The following GPR143 variants were observed in gnomAD, a reference collection of about 807,000 sequenced individuals.
GPR143 encodes the protein G protein-coupled receptor 143.
GPR143 carries 8 observed loss-of-function variants against 27.6 expected under a neutral mutation model. The observed-to-expected ratio is 0.29, with a 90% CI of 0.17 to 0.52. The LOEUF (loss-of-function observed/expected upper bound fraction) is 0.52, where lower values mean the gene tolerates loss of function less well. GPR143 is among the 20% of genes least tolerant of loss of function. The pLI, the probability that GPR143 is intolerant of heterozygous loss-of-function variation, is 0.96. For synonymous variants in GPR143, 156 were observed against 153.2 expected (o/e 1.02, Z -0.13); for missense variants, 303 against 343.1 (o/e 0.88, Z 0.92).
chrX:9,733,941 G>A (rs1333972880), intron 8 of GPR143, among the ~76,000 whole-genome samples: 1 of 109,906 alleles, frequency 9.1e-6, no homozygotes, highest in African/African-American at 3.3e-5. Context: ...TTAGCTGGGC[G>A]TAGTGGTGGG....
At position 9,741,439 on chromosome X, in the gene GPR143, T is replaced by C. The variant is rs748050915; in HGVS notation, c.784A>G (p.Ile262Val). ...AGATAGAATAAAAGGCTTTCATTGATGATATTCGACAACCAACTGTTAGAA... is the reference window on the plus strand; with the variant it reads ...AGATAGAATAAAAGGCTTTCATTGACGATATTCGACAACCAACTGTTAGAA... Reference protein sequence around the residue: ...VLIICWLSNIINESLLFYLEM... With the variant: ...VLIICWLSNIVNESLLFYLEM... Residue 262 changes from isoleucine (I) to valine (V), a missense_variant, in exon 7 of 9, where the codon ATC becomes GTC. Physicochemically the swap from Ile to Val is conservative, Grantham distance 29. Transcript: ENST00000467482. 2.8e-6 allele frequency: 3 copies of C among 1,085,517 alleles called. No homozygotes were observed. Among genetic ancestry groups the C allele is most frequent in the East Asian group, 3.0e-5 (1 of 33,313 alleles). The allele number at this position is 1,085,517 out of a possible 1,213,427, so 89.5% of individuals were successfully genotyped here. A position where few individuals can be genotyped will look rare whatever the true frequency, so the allele number is the denominator to read the frequency against.
chrX:9,767,322 G>A (rs1490791799), upstream of GPR143, among the ~76,000 whole-genome samples: 1 of 108,796 alleles, frequency 9.2e-6, no homozygotes, highest in African/African-American at 3.3e-5. Context: ...GACCACACAA[G>A]AGACACCCTT....
upstream of GPR143, among the ~76,000 whole-genome samples, chrX:9,769,018 G>C (rs1324438508): frequency 9.0e-6 from 1 of 111,623 alleles, no homozygotes; most frequent in Non-Finnish European, 1.9e-5. Context: ...ACAAATCTGA[G>C]AAAAGTGAAG....
chrX:9,776,054 A>G (rs2083569941), intron 1 of GPR143, among the ~76,000 whole-genome samples: 1 of 112,146 alleles, frequency 8.9e-6, no homozygotes, highest in Non-Finnish European at 1.9e-5. Flanking sequence ...CAGGCACTCA[A>G]GTAGCCTTGG....
intron 6 of GPR143, among the ~76,000 whole-genome samples, 183 bp downstream of exon 6, chrX:9,743,382 A>G (rs770865042): frequency 9.1e-6 from 1 of 110,442 alleles, no homozygotes; most frequent in East Asian, 2.8e-4. Flanking sequence ...GAAATTCATG[A>G]ATTTTGGACT....
In GPR143 at chrX:9,731,803, G is replaced by T. The variant is rs372958080; in HGVS notation, c.1121-5963C>A. Among the ~76,000 whole-genome samples, 67 of 98,897 alleles carry T rather than the reference G, an allele frequency of 6.8e-4. 2 individuals carry two copies. The South Asian group carries it at 0.037, about 55-fold the overall frequency. 85.9% of individuals were successfully genotyped at this position (98,897 alleles called of 115,157 possible). ...TGTGGGCAATATAAGGAATTGGGGG[G>T]GGGGGGAAGGAATTGTGGAAGGCAA... On this transcript the variant is annotated intron_variant, in intron 8 of 8. Transcript: ENST00000467482.
intron 3 of GPR143, among the ~76,000 whole-genome samples, chrX:9,754,785 C>T (rs1168154733): frequency 9.0e-6 from 1 of 111,645 alleles, no homozygotes; most frequent in Non-Finnish European, 1.9e-5. Context: ...ACATCCCCAC[C>T]GTGGGTGGAG....
intron 8 of GPR143, among the ~76,000 whole-genome samples, chrX:9,735,467 C>T (rs1269157194): frequency 3.6e-5 from 4 of 111,102 alleles, no homozygotes; most frequent in Admixed American, 1.9e-4. Flanking sequence ...TAAGACCCAG[C>T]CCGCACATCA....
chrX:9,764,553 CAGAG>C lies in GPR143; in HGVS notation c.250+1011_250+1014del, dbSNP rs1345482927. Among the ~76,000 whole-genome samples the C allele has an allele frequency of 2.0e-4, 22 of 108,442 alleles. No individual in the cohort carries two copies. In the East Asian group the frequency reaches 3.2e-3, roughly 16 times the overall value. The allele number at this position is 108,442 out of a possible 115,157, so 94.2% of individuals were successfully genotyped here. A position where few individuals can be genotyped will look rare whatever the true frequency, so the allele number is the denominator to read the frequency against. ...ACACACACACACACACAGAGCGAGA[CAGAG>C]AGAAGTTAATTGTTAGTCTCTCCCT... On this transcript the variant is annotated intron_variant, in intron 1 of 8. Transcript: ENST00000467482.
intron 6 of GPR143, among the ~76,000 whole-genome samples, chrX:9,742,795 G>A (rs903857102): frequency 2.7e-5 from 3 of 111,625 alleles, no homozygotes; most frequent in East Asian, 2.8e-4. Flanking sequence ...TCAGGAGTGA[G>A]GCAAATGGGT....
At chrX:9,734,507 C>T (rs2083370575) in intron 8 of GPR143, among the ~76,000 whole-genome samples, 2 of 111,752 alleles carry the variant, frequency 1.8e-5, no homozygotes, top group Non-Finnish European at 3.8e-5. Flanking sequence ...TTTCTGGGCT[C>T]TGAATGGGCC....
intron 8 of GPR143, among the ~76,000 whole-genome samples, chrX:9,733,800 G>C (rs1285666576): frequency 9.0e-6 from 1 of 111,273 alleles, no homozygotes; most frequent in Non-Finnish European, 1.9e-5. Context: ...TTATAGAAGA[G>C]GCCTGATGCA....
chrX:9,739,559 T>C lies in GPR143; in HGVS notation c.1046A>G (p.Glu349Gly). The C allele has an allele frequency of 8.3e-7, 1 of 1,210,864 alleles. No individual in the cohort carries two copies. Among genetic ancestry groups the C allele is most frequent in the Non-Finnish European group, 1.1e-6 (1 of 894,766 alleles). Residue 349 changes from glutamate to glycine, a missense_variant, in exon 8 of 9, where the codon GAA (glutamate) becomes GGA (glycine). By Grantham distance (98) the Glu-to-Gly change is moderately conservative (BLOSUM62 -2). Transcript: ENST00000467482. ...AGACACCTTCCCGGAAGCAGGGTTT[T>C]CATGGGGCATCAGTGGGGATGGGTG... ...GAHPSPLMPH[E>G]NPASGKVSQV...
At chrX:9,762,079 C>CCAT (rs1280055742) in intron 1 of GPR143, among the ~76,000 whole-genome samples, 1 of 88,674 alleles carries the variant, frequency 1.1e-5, no homozygotes, top group Non-Finnish European at 2.2e-5. Context: ...AGAGTGAGAC[C>CCAT]CTGTGTCAAA....
Position 9,747,009 on chromosome X carries a change from T to TAAAAAA in GPR143, c.549-862_549-857dup, listed in dbSNP as rs56761188. On this transcript the variant is annotated intron_variant, in intron 4 of 8. Transcript: ENST00000467482. ...CCAGAGGGGAAAGTGGCAGAAAATG[T>TAAAAAA]AAAAAAAAAAAAAAAAAAAAAAAAA... Among the ~76,000 whole-genome samples, 4 of 37,629 alleles carry TAAAAAA rather than the reference T, an allele frequency of 1.1e-4. 1 individual carries two copies. The highest frequency in any genetic ancestry group is 8.6e-4 in the Admixed American group (2 of 2,332). 32.7% of individuals were successfully genotyped at this position (37,629 alleles called of 115,157 possible). A position where few individuals can be genotyped will look rare whatever the true frequency, so the allele number is the denominator to read the frequency against.
At chrX:9,761,564 C>A (rs899754200) in intron 1 of GPR143, among the ~76,000 whole-genome samples, 6 of 112,328 alleles carry the variant, frequency 5.3e-5, no homozygotes, top group African/African-American at 1.3e-4. Flanking sequence ...TTATTCCTCA[C>A]ATAAAAAAGA....
At chrX:9,727,381 T>C (rs1206573006) in intron 8 of GPR143, among the ~76,000 whole-genome samples, 2 of 113,017 alleles carry the variant, frequency 1.8e-5, no homozygotes, top group Admixed American at 9.3e-5. Context: ...CACTCTTCTA[T>C]AGTCAGTGCA....
At chrX:9,727,294 CCTT>C (rs2083332251) in intron 8 of GPR143, among the ~76,000 whole-genome samples, 1 of 113,601 alleles carries the variant, frequency 8.8e-6, no homozygotes, top group Non-Finnish European at 1.9e-5. Flanking sequence ...AACTTTCCCA[CCTT>C]CTGGTAGGGG....
At chrX:9,761,629 T>C (rs1339487217) in intron 1 of GPR143, among the ~76,000 whole-genome samples, 1 of 104,628 alleles carries the variant, frequency 9.6e-6, no homozygotes, top group African/African-American at 3.5e-5. Context: ...TCATTCTTTT[T>C]TAAACACAAC....
Sources: allele counts gnomAD v4.1 joint callset (sites outside exome capture counted in the v4.1 genomes callset), GRCh38; gene constraint gnomAD v4.1.1; transcripts MANE v1.5; gene names NCBI Gene and HGNC (gene_info 2026-07-23, HGNC 2026-07-21).